Variants in DEPDC5 observed in about 807,000 individuals in gnomAD.
The protein encoded by DEPDC5 is GATOR1 complex protein DEPDC5.
Under a neutral mutation model 217.3 loss-of-function variants are expected in DEPDC5, and 73 were observed. The ratio of observed to expected loss-of-function variants is 0.34; its 90% CI spans 0.28 to 0.41. The LOEUF is 0.41. DEPDC5 is among the 10% of genes least tolerant of loss of function. The pLI, the probability that DEPDC5 is intolerant of heterozygous loss-of-function variation, is 1.00. For missense variants in DEPDC5, 1,675 were observed against 2,070.1 expected (o/e 0.81, Z 3.70); for synonymous variants, 733 against 756.7 (o/e 0.97, Z 0.51).
intron 29 of DEPDC5, 79 bp downstream of exon 29, chr22:31,843,891 T>A: frequency 7.2e-7 from 1 of 1,394,754 alleles, no homozygotes; most frequent in Non-Finnish European, 9.6e-7. Context: ...CTTTCTGCCC[T>A]TTCTCTCTCT....
At chr22:31,833,659 G>T (rs2090770520) in intron 24 of DEPDC5, among the ~76,000 whole-genome samples, 1 of 152,168 alleles carries the variant, frequency 6.6e-6, no homozygotes, top group South Asian at 2.1e-4. Context: ...GTGGCAGGTT[G>T]CTCGTGTTTG....
rs563927032 is a variant in DEPDC5, at chr22:31,775,706, T to C, written c.414-2393T>C. ...TTGAGCACGCCCTATCCTCACACTG[T>C]CCTGAACAGTTTCCCCACATTATCT... On this transcript the variant is annotated intron_variant, in intron 7 of 42. Coordinates refer to ENST00000651528, the MANE Select transcript of DEPDC5 (RefSeq NM_001242896.3). 3.9e-5 allele frequency among the ~76,000 whole-genome samples: 6 copies of C among 152,230 alleles called. No homozygotes were observed. In the South Asian group the frequency reaches 1.2e-3, roughly 32 times the overall value.
At chr22:31,892,911 G>A (rs1277720933) in intron 38 of DEPDC5, among the ~76,000 whole-genome samples, 1 of 133,178 alleles carries the variant, frequency 7.5e-6, no homozygotes, top group African/African-American at 2.9e-5. Context: ...GAGTCTCGCT[G>A]TATTGCCAGA....
chr22:31,806,224 A>C lies in DEPDC5; in HGVS notation c.1287+33A>C, dbSNP rs754906143. The stretch of plus-strand genomic sequence containing the variant: ...TTTATTTTTGTTAAGACGGGGTCTT[A>C]TTATGTGGTCCAGTCTTATCTTGAG... On this transcript the variant is annotated intron_variant, in intron 18 of 42. Coordinates refer to ENST00000651528, the MANE Select transcript of DEPDC5 (RefSeq NM_001242896.3). The C allele has an allele frequency of 2.5e-6, 4 of 1,582,464 alleles. No individual in the cohort carries two copies. The Admixed American group carries it at 5.1e-5, about 20-fold the overall frequency.
At chr22:31,897,304 G>T (rs2093570716) in intron 39 of DEPDC5, among the ~76,000 whole-genome samples, 178 bp from the exon 40 acceptor site, 1 of 152,176 alleles carries the variant, frequency 6.6e-6, no homozygotes, top group South Asian at 2.1e-4. Context: ...GTATTTGTCA[G>T]GATGTTAAAC....
chr22:31,836,319 C>G (rs1207589480), intron 25 of DEPDC5, among the ~76,000 whole-genome samples: 3 of 152,246 alleles, frequency 2.0e-5, no homozygotes, highest in Non-Finnish European at 4.4e-5. Flanking sequence ...CTGAGAAACT[C>G]TGCTTTAACT....
At chr22:31,843,986 G>A (rs542981553) in intron 29 of DEPDC5, among the ~76,000 whole-genome samples, 174 bp downstream of exon 29, 19 of 152,166 alleles carry the variant, frequency 1.2e-4, no homozygotes, top group Admixed American at 9.8e-4. Context: ...AGCAATTTGG[G>A]AGGCCGAGGT....
chr22:31,828,687 G>A (rs5998136), intron 24 of DEPDC5, among the ~76,000 whole-genome samples: 50,800 of 151,794 alleles, frequency 0.33, 9,754 homozygotes, highest in African/African-American at 0.54. Flanking sequence ...GCCATCCTCA[G>A]TTTTCATGGA....
chr22:31,855,433 G>T (rs139927699), intron 31 of DEPDC5, among the ~76,000 whole-genome samples: 1 of 150,166 alleles, frequency 6.7e-6, no homozygotes, highest in Non-Finnish European at 1.5e-5. Flanking sequence ...CTGGAGTGCA[G>T]TGGCGCGATA....
rs2086531822 is a variant in DEPDC5, at chr22:31,798,676, A to G, written c.946+20A>G. ...TCAATGGTGAGTAAGGATGCCGGCC[A>G]TGAGCCAGCATCTTGCCTACCACAT... On this transcript the variant is annotated intron_variant, in intron 14 of 42. Transcript: ENST00000651528. The G allele has an allele frequency of 2.5e-6, 4 of 1,605,768 alleles. No homozygotes were observed. The highest frequency in any genetic ancestry group is 2.6e-6 in the Non-Finnish European group (3 of 1,175,110).
chr22:31,893,317 A>T (rs2093480513), intron 38 of DEPDC5, among the ~76,000 whole-genome samples: 1 of 152,124 alleles, frequency 6.6e-6, no homozygotes, highest in Non-Finnish European at 1.5e-5. Flanking sequence ...TCATTATGTA[A>T]CGTTTGTGGC....
intron 40 of DEPDC5, among the ~76,000 whole-genome samples, chr22:31,901,214 G>A (rs137967659): frequency 1.1e-4 from 16 of 150,108 alleles, no homozygotes; most frequent in African/African-American, 3.9e-4. Context: ...CTGCATTCCA[G>A]CCTGGGTGAC....
At chr22:31,865,305 A>C (rs2092658821) in intron 33 of DEPDC5, among the ~76,000 whole-genome samples, 1 of 152,172 alleles carries the variant, frequency 6.6e-6, no homozygotes, top group Non-Finnish European at 1.5e-5. Flanking sequence ...CAGCCTGGGC[A>C]ACACAGTGAG....
At chr22:31,762,435 C>G (rs62238888) in intron 4 of DEPDC5, among the ~76,000 whole-genome samples, 9,219 of 152,164 alleles carry the variant, frequency 0.061, 301 homozygotes, top group Non-Finnish European at 0.071. Context: ...TTAAATAGTT[C>G]TTAAGAGAAA....
rs1432546176 is a variant in DEPDC5, at chr22:31,845,067, GCCTGTGTCA to G, written c.2854_2862del (p.Cys952_Thr954del). 6.2e-7 allele frequency: 1 copy of G among 1,614,150 alleles called. No individual in the cohort carries two copies. Among genetic ancestry groups the G allele is most frequent in the Non-Finnish European group, 8.5e-7 (1 of 1,180,002 alleles). ...GAGGACCCGCTTCCTGCTGCTGCCA[GCCTGTGTCA>G]CCGCCACCAAGCGCATCACGGAGGG... On this transcript the variant is annotated inframe_deletion, in exon 30 of 43. Coordinates refer to ENST00000651528, the MANE Select transcript of DEPDC5 (RefSeq NM_001242896.3).
At chr22:31,771,564 A>G (rs1277037288) in intron 7 of DEPDC5, among the ~76,000 whole-genome samples, 1 of 152,038 alleles carries the variant, frequency 6.6e-6, no homozygotes, top group African/African-American at 2.4e-5. Flanking sequence ...TACTAAAAAT[A>G]CAAAAATCAG....
chr22:31,767,778 G>A (rs535256541), intron 6 of DEPDC5, among the ~76,000 whole-genome samples: 1 of 149,520 alleles, frequency 6.7e-6, no homozygotes, highest in Non-Finnish European at 1.5e-5. Context: ...ACAGAGTCTC[G>A]CTCTGTCACC....
At position 31,838,695 on chromosome 22, in the gene DEPDC5, G is replaced by C. The variant is rs763089382; in HGVS notation, c.2365G>C (p.Asp789His). 6.2e-7 allele frequency: 1 copy of C among 1,614,082 alleles called. No individual in the cohort carries two copies. Among genetic ancestry groups the C allele is most frequent in the South Asian group, 1.1e-5 (1 of 91,072 alleles). Residue 789 changes from aspartate (D) to histidine (H), a missense_variant, in exon 27 of 43, where the codon GAT (aspartate) becomes CAT (histidine). Transcript: ENST00000651528. Reference protein sequence around the residue: ...PEADIDRRDEDGVQMTAQQVF... With the variant: ...PEADIDRRDEHGVQMTAQQVF... ...ATCTGTTGTTTTCAGGAGGGACGAA[G>C]ATGGTGTGCAGATGACAGCCCAGCA...
At chr22:31,847,971 C>T (rs1278687841) in intron 31 of DEPDC5, among the ~76,000 whole-genome samples, 1 of 152,218 alleles carries the variant, frequency 6.6e-6, no homozygotes, top group Non-Finnish European at 1.5e-5. Context: ...TAAATACACC[C>T]ATTCCAAATG....
Sources: allele counts gnomAD v4.1 joint callset (sites outside exome capture counted in the v4.1 genomes callset), GRCh38; gene constraint gnomAD v4.1.1; transcripts MANE v1.5; gene names NCBI Gene and HGNC (gene_info 2026-07-23, HGNC 2026-07-21).